The following STRN variants were observed in gnomAD, a reference collection of about 807,000 sequenced individuals.
STRN encodes the protein striatin, also known as protein phosphatase 2 regulatory subunit B'''alpha.
STRN carries 53 observed loss-of-function variants against 96.3 expected under a neutral mutation model. That is an observed-to-expected ratio of 0.55 (90% CI 0.44 to 0.69). The LOEUF (loss-of-function observed/expected upper bound fraction) is 0.69. Ranked by LOEUF, STRN falls within the 30% of genes least tolerant of loss-of-function variation. The probability of loss-of-function intolerance (pLI) is 0.00; values close to 1 mark genes in which losing one functional copy is unlikely to be tolerated. For missense variants in STRN, 987 were observed against 963.9 expected, an observed-to-expected ratio of 1.02 and a Z score of -0.32; for synonymous variants, 428 against 355.9, an observed-to-expected ratio of 1.20 and a Z score of -2.28.
intron 3 of STRN, among the ~76,000 whole-genome samples, chr2:36,907,287 C>G (rs751000585): frequency 6.6e-6 from 1 of 152,188 alleles, no homozygotes; most frequent in Non-Finnish European, 1.5e-5. Context: ...CAGTGGCTCA[C>G]ACCTGTAATC....
At chr2:36,864,985 G>C (rs568790015) in intron 12 of STRN, among the ~76,000 whole-genome samples, 1 of 152,312 alleles carries the variant, frequency 6.6e-6, no homozygotes, top group South Asian at 2.1e-4. Context: ...AAAGTGCTGG[G>C]ATTACAGGCG....
At chr2:36,853,569 C>T (rs1041618058) in intron 15 of STRN, among the ~76,000 whole-genome samples, 5 of 152,296 alleles carry the variant, frequency 3.3e-5, no homozygotes, top group Non-Finnish European at 5.9e-5. Flanking sequence ...CTACTCATAC[C>T]TAGCTTGTGA....
intron 1 of STRN, among the ~76,000 whole-genome samples, chr2:36,926,059 G>A (rs1319115631): frequency 6.6e-6 from 1 of 151,988 alleles, no homozygotes; most frequent in Admixed American, 6.6e-5. Context: ...GTAATCCATA[G>A]AAAAAAGAAA....
At chr2:36,892,677 G>C (rs1231722006) in intron 7 of STRN, among the ~76,000 whole-genome samples, 1 of 152,118 alleles carries the variant, frequency 6.6e-6, no homozygotes, top group East Asian at 1.9e-4. Flanking sequence ...CAAACCAACA[G>C]ATCCCTATCC....
chr2:36,877,315 T>G (rs1298541442), intron 10 of STRN, among the ~76,000 whole-genome samples: 16 of 152,112 alleles, frequency 1.1e-4, no homozygotes, highest in Admixed American at 9.2e-4. Flanking sequence ...AAATCCAAAT[T>G]TGGTAATGGA....
At chr2:36,959,901 A>G (rs1664985958) in intron 1 of STRN, among the ~76,000 whole-genome samples, 1 of 152,180 alleles carries the variant, frequency 6.6e-6, no homozygotes, top group Admixed American at 6.5e-5. Context: ...AGTCCAGGGA[A>G]TTAGTATTCA....
chr2:36,869,983 A>C (rs1042972037), intron 10 of STRN, among the ~76,000 whole-genome samples: 9 of 152,334 alleles, frequency 5.9e-5, no homozygotes, highest in African/African-American at 2.2e-4. Context: ...AAAGTGAATC[A>C]AATTATATAA....
intron 9 of STRN, among the ~76,000 whole-genome samples, chr2:36,882,076 A>C (rs1200978791): frequency 6.6e-6 from 1 of 152,210 alleles, no homozygotes; most frequent in Non-Finnish European, 1.5e-5. Flanking sequence ...GACTCTAACA[A>C]ATGATTAACC....
intron 2 of STRN, among the ~76,000 whole-genome samples, chr2:36,920,941 G>A (rs1670237451): frequency 6.6e-6 from 1 of 151,902 alleles, no homozygotes; most frequent in South Asian, 2.1e-4. Context: ...CCAGTGTGGT[G>A]GTAAACGCCT....
chr2:36,871,176 A>G (rs529626847), intron 10 of STRN, among the ~76,000 whole-genome samples: 1 of 152,314 alleles, frequency 6.6e-6, no homozygotes, highest in South Asian at 2.1e-4. Context: ...TTTATATATA[A>G]TTTAGCACAG....
At chr2:36,913,822 T>C (rs951514957) in intron 3 of STRN, among the ~76,000 whole-genome samples, 1 of 152,230 alleles carries the variant, frequency 6.6e-6, no homozygotes, top group Non-Finnish European at 1.5e-5. Flanking sequence ...TTAGGAAGTA[T>C]TCCCAGAGTA....
intron 1 of STRN, among the ~76,000 whole-genome samples, chr2:36,925,610 C>G (rs1670388804): frequency 6.6e-6 from 1 of 152,032 alleles, no homozygotes; most frequent in African/African-American, 2.4e-5. Flanking sequence ...AACCCTGTCT[C>G]TACTAAAAAT....
chr2:36,950,219 T>G (rs935546818), intron 1 of STRN, among the ~76,000 whole-genome samples: 9 of 145,358 alleles, frequency 6.2e-5, no homozygotes, highest in African/African-American at 1.5e-4. Flanking sequence ...TTTTGTTTTT[T>G]TTTTTTTTTT....
chr2:36,943,897 A>C (rs1572692523), intron 1 of STRN, among the ~76,000 whole-genome samples: 1 of 152,120 alleles, frequency 6.6e-6, no homozygotes, highest in Non-Finnish European at 1.5e-5. Context: ...TGGGTGGATC[A>C]CCTGAGGTCA....
intron 10 of STRN, among the ~76,000 whole-genome samples, chr2:36,875,855 C>T (rs1241003526): frequency 6.6e-6 from 1 of 152,142 alleles, no homozygotes; most frequent in African/African-American, 2.4e-5. Context: ...GACAGGGTTT[C>T]ACTGTGTTAG....
At position 36,861,156 on chromosome 2, in the gene STRN, T is replaced by C; in HGVS notation, c.1645A>G (p.Asn549Asp). The change falls in exon 13 of 18, where the codon AAC (asparagine) becomes GAC (aspartate). Residue 549 changes from asparagine to aspartate, a missense_variant. By Grantham distance (23) the Asn-to-Asp change is conservative. Transcript: ENST00000263918. ...LIQGWNTTNP[N>D]IDPYDSYDPS... ...CCATAAGAATCATAGGGGTCGATGT[T>C]GGGATTAGTGGTATTCCAGCCCTGG... The C allele has an allele frequency of 6.2e-7, 1 of 1,614,060 alleles. No individual in the cohort carries two copies. Among genetic ancestry groups the C allele is most frequent in the Non-Finnish European group, 8.5e-7 (1 of 1,179,972 alleles).
At chr2:36,886,626 T>A in intron 8 of STRN, 90 bp downstream of exon 8, 1 of 979,172 alleles carries the variant, frequency 1.0e-6, no homozygotes, top group Non-Finnish European at 1.5e-6. Context: ...TGAAAAAGAG[T>A]AAGTAGATTT....
chr2:36,936,524 T>C (rs544131054), intron 1 of STRN, among the ~76,000 whole-genome samples: 3 of 152,358 alleles, frequency 2.0e-5, no homozygotes, highest in South Asian at 2.1e-4. Context: ...ATCTTATTAA[T>C]TGATATTACA....
Position 36,865,168 on chromosome 2 carries a change from G to A in STRN, c.1547+2646C>T, listed in dbSNP as rs1365503550. Among the ~76,000 whole-genome samples the A allele has an allele frequency of 2.0e-5, 3 of 152,196 alleles. No homozygotes were observed. In the East Asian group the frequency reaches 5.8e-4, roughly 29 times the overall value. The stretch of plus-strand genomic sequence containing the variant: ...GATTCAATTTCAGAACTCATTATTG[G>A]TCTGTTCACAATTAGAATTTCTTCC... On this transcript the variant is annotated intron_variant, in intron 12 of 17. Transcript: ENST00000263918.
Sources: gnomAD v4.1 joint callset for allele counts (sites outside exome capture counted in the v4.1 genomes callset) on GRCh38, gnomAD v4.1.1 for gene constraint, MANE v1.5 for transcripts, NCBI Gene and HGNC (gene_info 2026-07-23, HGNC 2026-07-21) for gene names.